Variants in KIAA0825 observed in about 807,000 individuals in gnomAD.
KIAA0825 encodes uncharacterized protein KIAA0825.
In KIAA0825, 119 loss-of-function variants were observed where a neutral mutation model predicts 147.6. The ratio of observed to expected loss-of-function variants is 0.81; its 90% CI spans 0.69 to 0.94. The LOEUF (loss-of-function observed/expected upper bound fraction) is 0.94, where lower values mean the gene tolerates loss of function less well. KIAA0825 is among the 40% of genes least tolerant of loss of function. KIAA0825 has a pLI of 0.00. For missense variants in KIAA0825, 1,381 were observed against 1,472.7 expected, an observed-to-expected ratio of 0.94 and a Z score of 1.02; for synonymous variants, 470 against 518.1, an observed-to-expected ratio of 0.91 and a Z score of 1.26.
chr5:94,608,464 T>TTATATATTTTATTTATTA (rs1787957562), intron 1 of KIAA0825, among the ~76,000 whole-genome samples: 1 of 18,330 alleles, frequency 5.5e-5, no homozygotes, highest in Non-Finnish European at 9.6e-5. Context: ...TATATATATA[T>TTATATATTTTATTTATTA]TATATATATA....
At chr5:94,537,664 A>G (rs866707848) in intron 2 of KIAA0825, among the ~76,000 whole-genome samples, 2 of 151,504 alleles carry the variant, frequency 1.3e-5, no homozygotes, top group South Asian at 2.1e-4. Flanking sequence ...AAAAAAAAAA[A>G]AAAGAAAGCT....
At chr5:94,439,724 T>C (rs957211759) in intron 14 of KIAA0825, among the ~76,000 whole-genome samples, 1 of 152,190 alleles carries the variant, frequency 6.6e-6, no homozygotes, top group Non-Finnish European at 1.5e-5. Flanking sequence ...TATTGATACA[T>C]TTCTATATAA....
At chr5:94,383,263 G>A (rs887744636) in intron 20 of KIAA0825, among the ~76,000 whole-genome samples, 1 of 152,090 alleles carries the variant, frequency 6.6e-6, no homozygotes, top group Non-Finnish European at 1.5e-5. Flanking sequence ...TAATTCAGGG[G>A]TGAAATATTA....
intron 20 of KIAA0825, among the ~76,000 whole-genome samples, chr5:94,304,950 A>C (rs13185043): frequency 6.6e-5 from 10 of 151,634 alleles, no homozygotes; most frequent in African/African-American, 9.7e-5. Flanking sequence ...ATGCACTAAG[A>C]AATAACTGAC....
intron 20 of KIAA0825, among the ~76,000 whole-genome samples, chr5:94,242,691 T>C (rs948417805): frequency 6.6e-6 from 1 of 152,066 alleles, no homozygotes; most frequent in African/African-American, 2.4e-5. Context: ...AGTGCTGCCA[T>C]CTCGGCTCAC....
intron 20 of KIAA0825, among the ~76,000 whole-genome samples, chr5:94,196,357 C>T (rs1771128448): frequency 6.6e-6 from 1 of 152,160 alleles, no homozygotes; most frequent in South Asian, 2.1e-4. Context: ...AGCATAATAA[C>T]ATACAATATC....
chr5:94,292,976 A>G (rs957908679), intron 20 of KIAA0825, among the ~76,000 whole-genome samples: 1 of 150,164 alleles, frequency 6.7e-6, no homozygotes, highest in African/African-American at 2.5e-5. Flanking sequence ...ATCATTTTTT[A>G]TTGTGTCTTT....
In KIAA0825 at chr5:94,439,402, T is replaced by TA. The variant is rs535503840; in HGVS notation, c.2497+579dup. 1.1e-4 allele frequency among the ~76,000 whole-genome samples: 16 copies of TA among 152,298 alleles called. No homozygotes were observed. In the South Asian group the frequency reaches 3.3e-3, roughly 32 times the overall value. On this transcript the variant is annotated intron_variant, in intron 14 of 20. Transcript: ENST00000682413. ...GACATAACATTACTTACCATTTTCT[T>TA]AAAAAGCATTTAAAGGGGAAAAAAA...
At chr5:94,537,178 A>G in intron 2 of KIAA0825, 51 bp from the exon 3 acceptor site, 1 of 1,505,172 alleles carries the variant, frequency 6.6e-7, no homozygotes, top group Non-Finnish European at 9.1e-7. Flanking sequence ...CACAATGGCC[A>G]GGGATAGGGG....
intron 20 of KIAA0825, among the ~76,000 whole-genome samples, chr5:94,370,999 T>C (rs1746624341): frequency 6.6e-6 from 1 of 152,048 alleles, no homozygotes; most frequent in African/African-American, 2.4e-5. Flanking sequence ...AAAACAGAAA[T>C]GCTTCAAATG....
At chr5:94,332,160 C>CAAAAAAA (rs34035583) in intron 20 of KIAA0825, among the ~76,000 whole-genome samples, 2 of 93,908 alleles carry the variant, frequency 2.1e-5, no homozygotes, top group African/African-American at 3.8e-5. Flanking sequence ...GACTCCATCT[C>CAAAAAAA]AAAAAAAAAA....
chr5:94,386,540 A>G, intron 18 of KIAA0825, 136 bp from the exon 19 acceptor site: 1 of 686,578 alleles, frequency 1.5e-6, no homozygotes, highest in Non-Finnish European at 2.4e-6. Context: ...AGGGAAGAAT[A>G]TATTTTCAGA....
intron 9 of KIAA0825, among the ~76,000 whole-genome samples, chr5:94,470,357 CA>C (rs764067353): frequency 7.4e-4 from 112 of 152,186 alleles, no homozygotes; most frequent in Non-Finnish European, 1.3e-3. Context: ...CAACTTGAGA[CA>C]AACTGTATTG....
rs1422127236 is a variant in KIAA0825 at position 94,504,831 on chromosome 5, T to A, written c.970+15417A>T. 2.7e-5 allele frequency among the ~76,000 whole-genome samples: 4 copies of A among 147,294 alleles called. No homozygotes were observed. In the East Asian group the frequency reaches 8.7e-4, roughly 32 times the overall value. Reference sequence around the variant, plus strand: ...GGCGTAATCTCGGCTTACTGCAACCTCTGCTTCCCAGGTTCAAGCAATTCT... The same window carrying A: ...GGCGTAATCTCGGCTTACTGCAACCACTGCTTCCCAGGTTCAAGCAATTCT... On this transcript the variant is annotated intron_variant, in intron 5 of 20. Coordinates refer to ENST00000682413, the MANE Select transcript of KIAA0825 (RefSeq NM_001145678.3).
intron 20 of KIAA0825, among the ~76,000 whole-genome samples, chr5:94,332,836 A>C (rs1781420332): frequency 6.6e-6 from 1 of 152,036 alleles, no homozygotes; most frequent in Non-Finnish European, 1.5e-5. Context: ...ACTAATTTAC[A>C]CTCCCACCAA....
chr5:94,565,015 TCTCTCTCTCTCTCTTTCTTTC>T (rs1333925500), intron 2 of KIAA0825, among the ~76,000 whole-genome samples: 1 of 134,970 alleles, frequency 7.4e-6, no homozygotes, highest in Non-Finnish European at 1.6e-5. Context: ...TCTCCCTCTC[TCTCTCTCTCTCTCTTTCTTTC>T]CTCTCTCTCT....
chr5:94,378,642 G>A (rs1397772682), intron 20 of KIAA0825, among the ~76,000 whole-genome samples: 1 of 152,166 alleles, frequency 6.6e-6, no homozygotes, highest in African/African-American at 2.4e-5. Context: ...TTGCTGAATT[G>A]AATGGTAATT....
At chr5:94,528,173 T>G (rs1769731085) in intron 3 of KIAA0825, among the ~76,000 whole-genome samples, 1 of 152,174 alleles carries the variant, frequency 6.6e-6, no homozygotes, top group Admixed American at 6.6e-5. Context: ...CACCAAATCT[T>G]TCTCATACGT....
At chr5:94,496,370 T>G (rs1467414980) in intron 5 of KIAA0825, among the ~76,000 whole-genome samples, 1 of 152,214 alleles carries the variant, frequency 6.6e-6, no homozygotes, top group Non-Finnish European at 1.5e-5. Context: ...GGGACCTACC[T>G]TATGGGCTGC....
Sources: gnomAD v4.1 joint callset for allele counts (sites outside exome capture counted in the v4.1 genomes callset) on GRCh38, gnomAD v4.1.1 for gene constraint, MANE v1.5 for transcripts, NCBI Gene and HGNC (gene_info 2026-07-23, HGNC 2026-07-21) for gene names.